The following CATSPERE variants were observed in gnomAD, a reference collection of about 807,000 sequenced individuals.
CATSPERE encodes the protein cation channel sperm-associated auxiliary subunit epsilon.
CATSPERE carries 93 observed loss-of-function variants against 114.1 expected under a neutral mutation model. That is an observed-to-expected ratio of 0.81 (90% CI 0.69 to 0.97). CATSPERE has a LOEUF of 0.97. Ranked by LOEUF, CATSPERE falls within the 50% of genes least tolerant of loss-of-function variation. The probability of loss-of-function intolerance (pLI) is 0.00; values close to 1 mark genes in which losing one functional copy is unlikely to be tolerated. For missense variants in CATSPERE, 1,058 were observed against 1,131.6 expected (o/e 0.93, Z 0.93); for synonymous variants, 341 against 384.1 (o/e 0.89, Z 1.31).
At chr1:244,600,372 A>AGC (rs35185958) in intron 17 of CATSPERE, among the ~76,000 whole-genome samples, 1 of 24,670 alleles carries the variant, frequency 4.1e-5, no homozygotes, top group Non-Finnish European at 2.3e-4. Flanking sequence ...AAAAAAAAAA[A>AGC]GAGAGAGAGA....
intron 2 of CATSPERE, among the ~76,000 whole-genome samples, chr1:244,471,056 G>A (rs946683733): frequency 4.6e-5 from 7 of 152,154 alleles, no homozygotes; most frequent in Non-Finnish European, 8.8e-5. Context: ...CAGTTTTTTT[G>A]TGGAGTGTTG....
intron 7 of CATSPERE, among the ~76,000 whole-genome samples, chr1:244,510,756 T>C (rs549045852): frequency 1.3e-5 from 2 of 152,002 alleles, no homozygotes; most frequent in African/African-American, 4.8e-5. Flanking sequence ...TCCCTTTAGA[T>C]GTAATTATAT....
chr1:244,591,607 A>G, intron 14 of CATSPERE, 74 bp from the exon 15 acceptor site: 1 of 837,322 alleles, frequency 1.2e-6, no homozygotes, highest in Non-Finnish European at 1.9e-6. Flanking sequence ...AGAATCACTG[A>G]GTTAAATGAT....
chr1:244,489,908 T>C (rs563380315), intron 5 of CATSPERE, among the ~76,000 whole-genome samples: 100 of 152,264 alleles, frequency 6.6e-4, no homozygotes, highest in African/African-American at 2.2e-3. Flanking sequence ...GCCGTACTGG[T>C]TACTGGGAGA....
At chr1:244,609,475 C>T (rs184825168) in intron 18 of CATSPERE, among the ~76,000 whole-genome samples, 47 of 151,762 alleles carry the variant, frequency 3.1e-4, no homozygotes, top group African/African-American at 7.7e-4. Flanking sequence ...CTCAGCCTCC[C>T]GAGTAGCCGG....
chr1:244,516,335 TTTTGTTTG>T (rs57682756), intron 7 of CATSPERE, among the ~76,000 whole-genome samples: 16 of 151,000 alleles, frequency 1.1e-4, no homozygotes, highest in African/African-American at 3.4e-4. Context: ...ATCAAGAGAG[TTTTGTTTG>T]TTTGTTTGTT....
intron 6 of CATSPERE, among the ~76,000 whole-genome samples, chr1:244,494,649 A>T (rs1444548441): frequency 7.2e-5 from 11 of 152,130 alleles, no homozygotes; most frequent in Non-Finnish European, 1.5e-4. Flanking sequence ...AAGTTTTAAA[A>T]TTCTGGAATA....
At chr1:244,543,986 C>G (rs1659316330) in intron 8 of CATSPERE, among the ~76,000 whole-genome samples, 1 of 151,980 alleles carries the variant, frequency 6.6e-6, no homozygotes, top group Non-Finnish European at 1.5e-5. Context: ...ACATGAAAGT[C>G]AGATACCTAA....
At chr1:244,581,740 G>C in intron 11 of CATSPERE, 56 bp from the exon 12 acceptor site, 1 of 758,252 alleles carries the variant, frequency 1.3e-6, no homozygotes, top group Admixed American at 2.4e-5. Context: ...TACTAAAGTG[G>C]GATCACCACC....
chr1:244,499,257 T>G (rs569367421), intron 7 of CATSPERE, among the ~76,000 whole-genome samples, 178 bp downstream of exon 7: 1 of 152,342 alleles, frequency 6.6e-6, no homozygotes, highest in East Asian at 1.9e-4. Context: ...ATGCTTAATC[T>G]CTACAATAAT....
intron 8 of CATSPERE, among the ~76,000 whole-genome samples, chr1:244,529,084 G>A (rs1679186186): frequency 6.6e-6 from 1 of 152,078 alleles, no homozygotes; most frequent in African/African-American, 2.4e-5. Context: ...ACCTGTTGAT[G>A]GACACTTAGG....
rs115364740 is a variant in CATSPERE, at chr1:244,516,380, C to T, written c.430-2212C>T. On this transcript the variant is annotated intron_variant, in intron 7 of 21. Coordinates refer to ENST00000366534, the MANE Select transcript of CATSPERE (RefSeq NM_001130957.2). ...GTTTGTTTTTAGAGATGGGGTCTCA[C>T]TCTTTTACCCAGGCTGGAGTGTAGT... 4.7e-3 allele frequency among the ~76,000 whole-genome samples: 718 copies of T among 152,228 alleles called. 7 individuals are homozygous for T. The highest frequency in any genetic ancestry group is 0.016 in the African/African-American group (685 of 41,536).
Position 244,588,543 on chromosome 1 carries a change from A to G in CATSPERE, c.2138+9A>G. 6.3e-7 allele frequency: 1 copy of G among 1,594,560 alleles called. No individual in the cohort carries two copies. The highest frequency in any genetic ancestry group is 8.6e-7 in the Non-Finnish European group (1 of 1,162,308). ...TTCATTGCAATTAAAGGGTAAGTATATTTCCATTTGACCTGTGTTACTCTT... is the reference window on the plus strand; with the variant it reads ...TTCATTGCAATTAAAGGGTAAGTATGTTTCCATTTGACCTGTGTTACTCTT... On this transcript the variant is annotated intron_variant, in intron 14 of 21. Transcript: ENST00000366534.
intron 10 of CATSPERE, among the ~76,000 whole-genome samples, chr1:244,569,209 C>T (rs911298044): frequency 1.3e-5 from 2 of 152,130 alleles, no homozygotes; most frequent in African/African-American, 2.4e-5. Context: ...TGACCCCTTG[C>T]ACTTCCCCAG....
chr1:244,625,432 ATT>A (rs61325021), intron 20 of CATSPERE, among the ~76,000 whole-genome samples: 1 of 3,986 alleles, frequency 2.5e-4, no homozygotes, highest in African/African-American at 7.0e-4. Context: ...ATATATATAT[ATT>A]TTTTTTTTTT....
chr1:244,531,550 AT>A lies in CATSPERE; in HGVS notation c.536+12856del, dbSNP rs576253583. The stretch of plus-strand genomic sequence containing the variant: ...TTTTTTTGTCATGAAGTGATGTTGA[AT>A]TTTATCAAATGCTTTTCGGTATTAA... On this transcript the variant is annotated intron_variant, in intron 8 of 21. Coordinates refer to ENST00000366534, the MANE Select transcript of CATSPERE (RefSeq NM_001130957.2). 7.2e-5 allele frequency among the ~76,000 whole-genome samples: 11 copies of A among 152,040 alleles called. No individual in the cohort carries two copies. In the South Asian group the frequency reaches 2.1e-3, roughly 29 times the overall value.
Position 244,573,682 on chromosome 1 carries a change from G to T in CATSPERE, c.1950+910G>T, listed in dbSNP as rs1664820971. Among the ~76,000 whole-genome samples, 1 of 152,142 alleles carries T rather than the reference G, an allele frequency of 6.6e-6. No individual in the cohort carries two copies. Among genetic ancestry groups the T allele is most frequent in the African/African-American group, 2.4e-5 (1 of 41,448 alleles). On this transcript the variant is annotated intron_variant, in intron 11 of 21. Transcript: ENST00000366534. This position sits in a 1 kb window ranked among gnomAD's most constrained non-coding sequence, Gnocchi z 4.0. ...CTTCTTCTGTGGCAGTCTCAGGGCA[G>T]TGTTCCAAGACGGTGAGAGCAGAAG...
chr1:244,514,403 G>A (rs1676245589), intron 7 of CATSPERE, among the ~76,000 whole-genome samples: 2 of 152,184 alleles, frequency 1.3e-5, no homozygotes, highest in African/African-American at 2.4e-5. Context: ...GTGGGCAGCT[G>A]TGAATCTTAA....
At chr1:244,566,621 G>GT (rs1158835665) in intron 10 of CATSPERE, among the ~76,000 whole-genome samples, 1 of 72,748 alleles carries the variant, frequency 1.4e-5, no homozygotes. Context: ...TTTAAAGTCT[G>GT]TTTTATCAGA....
Sources: gnomAD v4.1 joint callset for allele counts (sites outside exome capture counted in the v4.1 genomes callset) on GRCh38, gnomAD v4.1.1 for gene constraint, Gnocchi (gnomAD v3.1) non-coding constraint, MANE v1.5 for transcripts, NCBI Gene and HGNC (gene_info 2026-07-23, HGNC 2026-07-21) for gene names.